Variants in PCF11 observed in about 807,000 individuals in gnomAD.
The protein encoded by PCF11 is PCF11 cleavage and polyadenylation factor subunit, also known as pre-mRNA cleavage complex 2 protein Pcf11.
A neutral mutation model predicts 166.1 loss-of-function variants in PCF11; 19 were observed. The ratio of observed to expected loss-of-function variants is 0.11; its 90% CI spans 0.08 to 0.17. PCF11 has a LOEUF of 0.17. PCF11 is among the 10% of genes least tolerant of loss of function. The pLI, the probability that PCF11 is intolerant of heterozygous loss-of-function variation, is 1.00. For missense variants in PCF11, 1,565 were observed against 1,855.5 expected, an observed-to-expected ratio of 0.84 and a Z score of 2.88; for synonymous variants, 663 against 644.1, an observed-to-expected ratio of 1.03 and a Z score of -0.44.
At chr11:83,170,681 C>T (rs367636688) in intron 8 of PCF11, among the ~76,000 whole-genome samples, 3 of 152,230 alleles carry the variant, frequency 2.0e-5, no homozygotes, top group African/African-American at 4.8e-5. Flanking sequence ...GTGATTAATT[C>T]GGTTGGTTTT....
chr11:83,169,480 T>G, exon 8 of PCF11: 7 of 1,613,728 alleles, frequency 4.3e-6, no homozygotes, highest in Non-Finnish European at 5.9e-6. Context: ...GCCGTCACTC[T>G]TGCCAAGATT....
chr11:83,176,302 G>C (rs77574395), intron 9 of PCF11, among the ~76,000 whole-genome samples: 8,888 of 152,154 alleles, frequency 0.058, 858 homozygotes, highest in African/African-American at 0.2. Flanking sequence ...TCTAGAACTA[G>C]AAATACTATT....
intron 10 of PCF11, among the ~76,000 whole-genome samples, chr11:83,177,465 C>T (rs1350025488): frequency 6.6e-6 from 1 of 152,070 alleles, no homozygotes; most frequent in African/African-American, 2.4e-5. Context: ...GTTAGATTAA[C>T]TTTTGAAAAG....
At chr11:83,161,136 C>CT (rs1246255208) in intron 1 of PCF11, among the ~76,000 whole-genome samples, 191 bp from the exon 2 acceptor site, 2 of 152,208 alleles carry the variant, frequency 1.3e-5, no homozygotes, top group African/African-American at 4.8e-5. Flanking sequence ...TAATTCTGAG[C>CT]TTTTTTGTGC....
At chr11:83,163,509 C>T (rs978876321) in intron 2 of PCF11, among the ~76,000 whole-genome samples, 170 bp from the exon 3 acceptor site, 3 of 152,040 alleles carry the variant, frequency 2.0e-5, no homozygotes, top group Admixed American at 2.0e-4. Context: ...TTTAATTACT[C>T]TGTTTTTGAA....
chr11:83,160,462 G>A lies in PCF11; in HGVS notation c.193-865G>A, dbSNP rs1199750070. Among the ~76,000 whole-genome samples, 3 of 150,396 alleles carry A rather than the reference G, an allele frequency of 2.0e-5. No homozygotes were observed. In the South Asian group the frequency reaches 6.3e-4, roughly 31 times the overall value. On this transcript the variant is annotated intron_variant, in intron 1 of 15. Coordinates refer to ENST00000298281, the Ensembl canonical transcript of PCF11. ...ACCTGCTGATGCTTTCTGGAAGCTT[G>A]CTGTGCCTTCTAAAAGCCAGTGGTG...
exon 8 of PCF11, chr11:83,169,673 G>T (rs149227763): frequency 6.2e-7 from 1 of 1,613,844 alleles, no homozygotes; most frequent in Non-Finnish European, 8.5e-7. Flanking sequence ...GGTCTTCAAG[G>T]CACAAGATTT....
chr11:83,182,075 CAT>C, intron 13 of PCF11, 66 bp downstream of exon 13: 1 of 1,224,302 alleles, frequency 8.2e-7, no homozygotes, highest in Non-Finnish European at 1.1e-6. Context: ...TGTAAATACT[CAT>C]AAACACATCA....
chr11:83,184,663 G>A lies in PCF11; in HGVS notation c.4453-16G>A, dbSNP rs1861212187. 3 of 1,569,548 alleles carry A rather than the reference G, an allele frequency of 1.9e-6. No homozygotes were observed. Among genetic ancestry groups the A allele is most frequent in the Non-Finnish European group, 1.8e-6 (2 of 1,142,496 alleles). On this transcript the variant is annotated splice_polypyrimidine_tract_variant and intron_variant, in intron 15 of 15. Transcript: ENST00000298281. Reference sequence around the variant, plus strand: ...TTGAACTTTCATCAGTACTCATAGGGCCTTTCATTTTGTAGACATCTTCAT... The same window carrying A: ...TTGAACTTTCATCAGTACTCATAGGACCTTTCATTTTGTAGACATCTTCAT...
chr11:83,183,503 G>GAAC (rs1343454817), intron 15 of PCF11, among the ~76,000 whole-genome samples: 4 of 151,468 alleles, frequency 2.6e-5, no homozygotes, highest in Non-Finnish European at 5.9e-5. Flanking sequence ...TTGTTGTTTT[G>GAAC]TTCTGAGACA....
chr11:83,157,315 C>G, exon 1 of PCF11: 1 of 803,242 alleles, frequency 1.2e-6, no homozygotes, highest in Admixed American at 2.8e-5. Context: ...CCTCCGCGGT[C>G]AGCATGTGGT....
intron 9 of PCF11, among the ~76,000 whole-genome samples, chr11:83,172,649 C>T (rs932896501): frequency 1.3e-5 from 2 of 152,156 alleles, no homozygotes; most frequent in African/African-American, 4.8e-5. Context: ...CTCCTGACCT[C>T]AAGTGATCTG....
chr11:83,178,812 CA>C (rs747677105), intron 11 of PCF11, among the ~76,000 whole-genome samples: 1,962 of 110,898 alleles, frequency 0.018, 22 homozygotes, highest in African/African-American at 0.05. Flanking sequence ...GACTGTGTCT[CA>C]AAAAAAAAAA....
At chr11:83,168,902 T>G (rs1339811126) in exon 8 of PCF11, 7 of 1,613,278 alleles carry the variant, frequency 4.3e-6, no homozygotes, top group Non-Finnish European at 5.9e-6. Flanking sequence ...GGTCTGAGGT[T>G]TGAGGGATCT....
exon 8 of PCF11, chr11:83,169,467 T>G: frequency 6.2e-7 from 1 of 1,613,786 alleles, no homozygotes; most frequent in Non-Finnish European, 8.5e-7. Flanking sequence ...GGCAGCCAGG[T>G]CAGCCGTCAC....
At chr11:83,161,505 A>G in intron 2 of PCF11, 53 bp downstream of exon 2, 1 of 1,346,138 alleles carries the variant, frequency 7.4e-7, no homozygotes, top group Non-Finnish European at 1.0e-6. Flanking sequence ...TGTGTTCCTG[A>G]TTAAATAAAT....
rs183133208 is a variant in PCF11, at chr11:83,171,216, C to T, written c.3661-602C>T. ...TTAACATTCCCTTTGACATCTTTTA[C>T]AAGACCTTTTACAAGATTACTTTGT... On this transcript the variant is annotated intron_variant, in intron 8 of 15. Transcript: ENST00000298281. 1.3e-3 allele frequency: 549 copies of T among 420,922 alleles called. 2 individuals are homozygous for T. Among genetic ancestry groups the T allele is most frequent in the Non-Finnish European group, 1.9e-3 (400 of 213,098 alleles). The allele number at this position is 420,922 out of a possible 1,614,324, so 26.1% of individuals were successfully genotyped here. A position where few individuals can be genotyped will look rare whatever the true frequency, so the allele number is the denominator to read the frequency against.
chr11:83,167,029 AT>A lies in PCF11; in HGVS notation c.1818-92del. The A allele has an allele frequency of 9.7e-7, 1 of 1,026,036 alleles. No individual in the cohort carries two copies. 63.6% of individuals were successfully genotyped at this position (1,026,036 alleles called of 1,614,324 possible). On this transcript the variant is annotated intron_variant, in intron 5 of 15. Transcript: ENST00000298281. This position sits in a 1 kb window ranked among gnomAD's most constrained non-coding sequence, Gnocchi z 4.2. ...TTACTTTTTGTGGTTACATATGCCC[AT>A]TTTAACCATATCCTTTGAAAAGAAT...
At chr11:83,183,259 T>C (rs2135449409) in intron 15 of PCF11, among the ~76,000 whole-genome samples, 186 bp downstream of exon 15, 1 of 152,314 alleles carries the variant, frequency 6.6e-6, no homozygotes, top group South Asian at 2.1e-4. Context: ...TTGACATATA[T>C]GAATATCATT....
Sources: allele counts gnomAD v4.1 joint callset (sites outside exome capture counted in the v4.1 genomes callset), GRCh38; gene constraint gnomAD v4.1.1; non-coding constraint Gnocchi (gnomAD v3.1); transcripts MANE v1.5; gene names NCBI Gene and HGNC (gene_info 2026-07-23, HGNC 2026-07-21).